Variants in GARRE1 observed in about 807,000 individuals in gnomAD.
GARRE1 encodes granule associated Rac and RHOG effector protein 1.
A neutral mutation model predicts 103.2 loss-of-function variants in GARRE1; 49 were observed. The observed-to-expected ratio is 0.47, with a 90% CI of 0.38 to 0.60. The LOEUF is 0.60. GARRE1 is among the 20% of genes least tolerant of loss of function. The pLI, the probability that GARRE1 is intolerant of heterozygous loss-of-function variation, is 0.00. For missense variants in GARRE1, 1,199 were observed against 1,370.5 expected, an observed-to-expected ratio of 0.87 and a Z score of 1.98; for synonymous variants, 505 against 532.8, an observed-to-expected ratio of 0.95 and a Z score of 0.72.
intron 10 of GARRE1, among the ~76,000 whole-genome samples, chr19:34,347,508 T>C (rs1599783811): frequency 6.6e-6 from 1 of 152,350 alleles, no homozygotes; most frequent in East Asian, 1.9e-4. Context: ...ATTACAGGAG[T>C]GAGCCACTGT....
intron 2 of GARRE1, among the ~76,000 whole-genome samples, chr19:34,319,149 A>G (rs935536252): frequency 6.6e-6 from 1 of 152,256 alleles, no homozygotes; most frequent in Admixed American, 6.5e-5. Context: ...AGAGAAATGC[A>G]CAATCATATC....
chr19:34,256,992 A>G (rs1313543907), intron 1 of GARRE1, among the ~76,000 whole-genome samples: 2 of 152,122 alleles, frequency 1.3e-5, no homozygotes, highest in African/African-American at 4.8e-5. Flanking sequence ...TGTTGTGGCA[A>G]CTTTTCAGTG....
chr19:34,296,635 C>T (rs181678355), intron 1 of GARRE1: 28 of 1,129,446 alleles, frequency 2.5e-5, no homozygotes, highest in African/African-American at 2.4e-4. Flanking sequence ...AACCTGGGGT[C>T]CATCCACTTA....
At chr19:34,278,444 C>CAAAAA (rs71165640) in intron 1 of GARRE1, among the ~76,000 whole-genome samples, 2 of 57,100 alleles carry the variant, frequency 3.5e-5, no homozygotes, top group Non-Finnish European at 6.6e-5. Context: ...GACTCCATCT[C>CAAAAA]AAAAAAAAAA....
intron 2 of GARRE1, among the ~76,000 whole-genome samples, chr19:34,313,331 A>G (rs914923584): frequency 2.6e-5 from 4 of 152,214 alleles, no homozygotes; most frequent in African/African-American, 9.6e-5. Flanking sequence ...AAACTGGAAC[A>G]GCTGGAGAGC....
intron 7 of GARRE1, among the ~76,000 whole-genome samples, chr19:34,331,852 G>A (rs996345950): frequency 2.6e-5 from 4 of 152,064 alleles, no homozygotes; most frequent in African/African-American, 4.8e-5. Flanking sequence ...TTATCCAGGC[G>A]TGGTGGCGGG....
intron 8 of GARRE1, 64 bp from the exon 9 acceptor site, chr19:34,339,803 A>G: frequency 6.2e-7 from 1 of 1,603,554 alleles, no homozygotes; most frequent in Non-Finnish European, 8.5e-7. Context: ...TTTCTATGAG[A>G]CCTGCTTGAG....
At chr19:34,267,720 GA>G (rs777396000) in intron 1 of GARRE1, among the ~76,000 whole-genome samples, 4 of 145,430 alleles carry the variant, frequency 2.8e-5, no homozygotes, top group Middle Eastern at 3.7e-3. Context: ...GTAGACTGTT[GA>G]TTTTTTTTTT....
chr19:34,313,494 C>T (rs1037468475), intron 2 of GARRE1, among the ~76,000 whole-genome samples: 3 of 152,176 alleles, frequency 2.0e-5, no homozygotes, highest in African/African-American at 7.2e-5. Flanking sequence ...ATTGGGATCC[C>T]TGTCTCAGTG....
chr19:34,326,913 G>A (rs1298650544), intron 3 of GARRE1, among the ~76,000 whole-genome samples: 2 of 152,014 alleles, frequency 1.3e-5, no homozygotes, highest in East Asian at 1.9e-4. Flanking sequence ...CCAGCACTTC[G>A]GGAGGCCGAG....
At chr19:34,331,688 G>T (rs914440322) in intron 7 of GARRE1, among the ~76,000 whole-genome samples, 2 of 152,024 alleles carry the variant, frequency 1.3e-5, no homozygotes, top group Non-Finnish European at 2.9e-5. Context: ...TCTAGTAAAC[G>T]ACTACTTTTC....
At chr19:34,337,024 T>C (rs1226373439) in intron 8 of GARRE1, among the ~76,000 whole-genome samples, 3 of 152,014 alleles carry the variant, frequency 2.0e-5, no homozygotes, top group Non-Finnish European at 4.4e-5. Flanking sequence ...TGGGTGCTTT[T>C]GGTAATTTTG....
intron 12 of GARRE1, among the ~76,000 whole-genome samples, chr19:34,349,555 C>T (rs371347700): frequency 2.4e-4 from 36 of 152,132 alleles, no homozygotes; most frequent in East Asian, 7.7e-4. Flanking sequence ...CTCTGAATGG[C>T]GTTTCAAAGT....
At chr19:34,293,715 A>AACAC (rs146336774) in intron 1 of GARRE1, among the ~76,000 whole-genome samples, 42,083 of 100,222 alleles carry the variant, frequency 0.42, 10,340 homozygotes, top group Non-Finnish European at 0.54. Context: ...TAAACATATA[A>AACAC]ACACACACAC....
chr19:34,267,106 A>G (rs991825417), intron 1 of GARRE1, among the ~76,000 whole-genome samples: 2 of 152,172 alleles, frequency 1.3e-5, no homozygotes, highest in Non-Finnish European at 1.5e-5. Context: ...TTCTGCAGAA[A>G]AATTTAAAAA....
rs764495531 is a variant in GARRE1 at position 34,352,663 on chromosome 19, C to T, written c.2921C>T (p.Thr974Met). Residue 974 changes from threonine (T) to methionine (M), a missense_variant, in exon 14 of 14, where the codon ACG becomes ATG. Transcript: ENST00000299505. ...EDVNQDNKTK[T>M]WPPKAPWQHP... The stretch of plus-strand genomic sequence containing the variant: ...GTTTCTCAGGATAACAAAACCAAAA[C>T]GTGGCCACCCAAAGCACCCTGGCAG... 2.7e-5 allele frequency: 43 copies of T among 1,608,896 alleles called. No individual in the cohort carries two copies. Among genetic ancestry groups the T allele is most frequent in the African/African-American group, 4.0e-5 (3 of 74,802 alleles).
chr19:34,298,221 G>A (rs2073957410), intron 1 of GARRE1, among the ~76,000 whole-genome samples: 1 of 152,070 alleles, frequency 6.6e-6, no homozygotes, highest in African/African-American at 2.4e-5. Context: ...TTTGAGACCA[G>A]CCTGGGCAAC....
chr19:34,347,946 C>T lies in GARRE1; in HGVS notation c.2591C>T (p.Ala864Val). 6.3e-7 allele frequency: 1 copy of T among 1,590,502 alleles called. No individual in the cohort carries two copies. Among genetic ancestry groups the T allele is most frequent in the Non-Finnish European group, 8.6e-7 (1 of 1,168,096 alleles). Residue 864 changes from alanine (A) to valine (V), a missense_variant, in exon 11 of 14, where the codon GCC becomes GTC. Physicochemically the swap from Ala to Val is moderately conservative, Grantham distance 64. Transcript: ENST00000299505. ...CAGGCGATGCAGCAGAAGCGGCAGGCCCAGCACGGTCGCCGGCCAGGCAAC... is the reference window on the plus strand; with the variant it reads ...CAGGCGATGCAGCAGAAGCGGCAGGTCCAGCACGGTCGCCGGCCAGGCAAC... ...VSQAMQQKRQ[A>V]QHGRRPGNPR...
At position 34,333,742 on chromosome 19, in the gene GARRE1, C is replaced by G. The variant is rs1047796300; in HGVS notation, c.1302C>G (p.Ala434=). 2 of 1,607,348 alleles carry G rather than the reference C, an allele frequency of 1.2e-6. No individual in the cohort carries two copies. The highest frequency in any genetic ancestry group is 2.7e-5 in the African/African-American group (2 of 74,352). The part of the protein sequence containing the change: ...VDTAQIENKE[A]YAPQISLEGS... ...CAGCACAGATTGAGAATAAAGAAGCCTATGCCCCCCAGATCAGTTTAGAAG... is the reference window on the plus strand; with the variant it reads ...CAGCACAGATTGAGAATAAAGAAGCGTATGCCCCCCAGATCAGTTTAGAAG... Residue 434 remains alanine, a synonymous_variant, in exon 8 of 14, where the codon GCC becomes GCG. Coordinates refer to ENST00000299505, the MANE Select transcript of GARRE1 (RefSeq NM_014686.5).
Sources: gnomAD v4.1 joint callset for allele counts (sites outside exome capture counted in the v4.1 genomes callset) on GRCh38, gnomAD v4.1.1 for gene constraint, MANE v1.5 for transcripts, NCBI Gene and HGNC (gene_info 2026-07-23, HGNC 2026-07-21) for gene names.